Variants in HUNK observed in about 807,000 individuals in gnomAD.
HUNK encodes the protein hormonally up-regulated Neu-associated kinase.
Under a neutral mutation model 61.0 loss-of-function variants are expected in HUNK, and 21 were observed. The ratio of observed to expected loss-of-function variants is 0.34; its 90% CI spans 0.24 to 0.50. The LOEUF is 0.50. HUNK is among the 20% of genes least tolerant of loss of function. HUNK has a pLI of 0.98. For synonymous variants in HUNK, 371 were observed against 386.1 expected (o/e 0.96, Z 0.46); for missense variants, 772 against 945.7 (o/e 0.82, Z 2.41).
At position 31,911,247 on chromosome 21, in the gene HUNK, G is replaced by A. The variant is rs560499519; in HGVS notation, c.262-13221G>A. On this transcript the variant is annotated intron_variant, in intron 1 of 10. Transcript: ENST00000270112. ...CTCTTCCCTTCTGGGGCTTCTAAGCGTCAGGCAGATTCCATGCTCACTCAG... is the reference window on the plus strand; with the variant it reads ...CTCTTCCCTTCTGGGGCTTCTAAGCATCAGGCAGATTCCATGCTCACTCAG... Among the ~76,000 whole-genome samples the A allele has an allele frequency of 7.2e-5, 11 of 152,316 alleles. No homozygotes were observed. The East Asian group carries it at 1.2e-3, about 16-fold the overall frequency.
chr21:31,951,065 G>A (rs1048445579), intron 4 of HUNK, among the ~76,000 whole-genome samples: 3 of 151,912 alleles, frequency 2.0e-5, no homozygotes, highest in Non-Finnish European at 2.9e-5. Flanking sequence ...GGGAAATGGC[G>A]CGCTTTCTTG....
At chr21:31,997,874 C>A (rs1387733656) in intron 10 of HUNK, among the ~76,000 whole-genome samples, 1 of 151,966 alleles carries the variant, frequency 6.6e-6, no homozygotes, top group East Asian at 1.9e-4. Context: ...GTGCATGTAC[C>A]TTTTTTATTC....
intron 1 of HUNK, among the ~76,000 whole-genome samples, chr21:31,916,634 C>G (rs896039372): frequency 2.6e-5 from 4 of 151,708 alleles, no homozygotes; most frequent in African/African-American, 9.7e-5. Context: ...GCAGGGCAAA[C>G]TCTTCCTCCT....
intron 4 of HUNK, among the ~76,000 whole-genome samples, chr21:31,956,901 C>CA (rs991870122): frequency 6.6e-6 from 1 of 152,202 alleles, no homozygotes; most frequent in African/African-American, 2.4e-5. Flanking sequence ...TAAACACACA[C>CA]AGGGAAATGC....
Position 31,995,158 on chromosome 21 carries a change from CAAAAAA to C in HUNK, c.1306-592_1306-587del, listed in dbSNP as rs34858300. 9.5e-3 allele frequency among the ~76,000 whole-genome samples: 705 copies of C among 73,914 alleles called. 8 individuals are homozygous for C. Among genetic ancestry groups the C allele is most frequent in the African/African-American group, 0.037 (657 of 17,604 alleles). The allele number at this position is 73,914 out of a possible 152,430, so 48.5% of individuals were successfully genotyped here. Reference sequence around the variant, plus strand: ...TGGGTGATAGCACAAGACCCTGCCTCAAAAAAAAAAAAAAAAAAAAAAAGCTTCATA... The same window carrying C: ...TGGGTGATAGCACAAGACCCTGCCTCAAAAAAAAAAAAAAAAAGCTTCATA... On this transcript the variant is annotated intron_variant, in intron 9 of 10. Transcript: ENST00000270112.
At chr21:31,972,262 T>A (rs2053016703) in intron 6 of HUNK, among the ~76,000 whole-genome samples, 1 of 152,072 alleles carries the variant, frequency 6.6e-6, no homozygotes, top group Non-Finnish European at 1.5e-5. Context: ...ATCCATGGTA[T>A]CAAAATGGAT....
intron 1 of HUNK, among the ~76,000 whole-genome samples, chr21:31,905,986 A>ATT (rs71320209): frequency 0.082 from 12,182 of 149,096 alleles, 605 homozygotes; most frequent in South Asian, 0.19. Flanking sequence ...TGTTATTTTA[A>ATT]TTTTTTTTTT....
chr21:31,988,769 C>T (rs1476030050), intron 8 of HUNK, among the ~76,000 whole-genome samples: 1 of 149,450 alleles, frequency 6.7e-6, no homozygotes, highest in African/African-American at 2.5e-5. Context: ...CTCCCTCCCT[C>T]CTTTCTCTCT....
chr21:32,000,300 A>C lies in HUNK; in HGVS notation c.*1116A>C, dbSNP rs2053237609. On this transcript the variant is annotated 3_prime_UTR_variant, in exon 11 of 11. Coordinates refer to ENST00000270112, the MANE Select transcript of HUNK (RefSeq NM_014586.2). ...TGGGAGCAGGCTTGCCTGGCAGAGA[A>C]CCTGTTCAGATACAGGCCAGTTTCT... is the stretch of plus-strand genomic sequence containing the variant. The C allele has an allele frequency of 5.0e-6, 2 of 398,852 alleles. No homozygotes were observed. The highest frequency in any genetic ancestry group is 1.3e-4 in the South Asian group (1 of 7,860). 24.7% of individuals were successfully genotyped at this position (398,852 alleles called of 1,614,324 possible).
At chr21:31,888,672 G>A (rs1224670511) in intron 1 of HUNK, among the ~76,000 whole-genome samples, 4 of 152,094 alleles carry the variant, frequency 2.6e-5, no homozygotes, top group East Asian at 3.9e-4. Context: ...CCCAGGAGGC[G>A]GAGGTTATGG....
At position 31,913,525 on chromosome 21, in the gene HUNK, C is replaced by A. The variant is rs570036514; in HGVS notation, c.262-10943C>A. On this transcript the variant is annotated intron_variant, in intron 1 of 10. Transcript: ENST00000270112. ...GCTGGAGGAGGATGTTACAGTAGGG[C>A]CACCTGTGGATGGTTACTGTAGGCT... 4.0e-5 allele frequency among the ~76,000 whole-genome samples: 6 copies of A among 151,750 alleles called. No individual in the cohort carries two copies. The South Asian group carries it at 1.0e-3, about 26-fold the overall frequency.
intron 6 of HUNK, among the ~76,000 whole-genome samples, chr21:31,971,247 T>G (rs879628633): frequency 2.0e-5 from 3 of 151,916 alleles, no homozygotes; most frequent in Non-Finnish European, 4.4e-5. Context: ...AGTTTTTGTA[T>G]TTTTAGTAGA....
chr21:31,958,183 C>A (rs2052902378), intron 4 of HUNK, among the ~76,000 whole-genome samples: 1 of 151,990 alleles, frequency 6.6e-6, no homozygotes. Flanking sequence ...AGCAGAGGGC[C>A]ATGGTTCCCC....
At chr21:31,917,923 A>G (rs73346729) in intron 1 of HUNK, among the ~76,000 whole-genome samples, 8,356 of 152,268 alleles carry the variant, frequency 0.055, 770 homozygotes, top group African/African-American at 0.19. Flanking sequence ...TTTGATAGCA[A>G]AGATTTAATT....
At chr21:31,945,353 T>C (rs938888484) in intron 3 of HUNK, among the ~76,000 whole-genome samples, 1 of 152,168 alleles carries the variant, frequency 6.6e-6, no homozygotes, top group African/African-American at 2.4e-5. Context: ...GGCATCTTAA[T>C]CATCCAGGAA....
chr21:31,896,131 C>T lies in HUNK; in HGVS notation c.261+22196C>T, dbSNP rs535948848. ...AGAAGGGCCTCAGGAGGAAGCAACC[C>T]TGCTGACACTTTGATCTCAGACTTT... On this transcript the variant is annotated intron_variant, in intron 1 of 10. Coordinates refer to ENST00000270112, the MANE Select transcript of HUNK (RefSeq NM_014586.2). Among the ~76,000 whole-genome samples the T allele has an allele frequency of 2.6e-5, 4 of 152,280 alleles. No homozygotes were observed. In the South Asian group the frequency reaches 6.2e-4, roughly 24 times the overall value.
chr21:31,986,676 T>C (rs2053135634), intron 8 of HUNK, among the ~76,000 whole-genome samples: 1 of 152,150 alleles, frequency 6.6e-6, no homozygotes. Context: ...CTCCCTGTGC[T>C]CAGTCCACAG....
chr21:31,973,392 T>C (rs2053025801), intron 6 of HUNK, among the ~76,000 whole-genome samples: 1 of 152,120 alleles, frequency 6.6e-6, no homozygotes, highest in Non-Finnish European at 1.5e-5. Context: ...CACCTATGAG[T>C]GAGAAGATGC....
chr21:31,973,397 A>G (rs113540064), intron 6 of HUNK, among the ~76,000 whole-genome samples: 8 of 152,258 alleles, frequency 5.3e-5, no homozygotes, highest in African/African-American at 1.9e-4. Flanking sequence ...ATGAGTGAGA[A>G]GATGCGGTGT....
Sources: allele counts gnomAD v4.1 joint callset (sites outside exome capture counted in the v4.1 genomes callset), GRCh38; gene constraint gnomAD v4.1.1; transcripts MANE v1.5; gene names NCBI Gene and HGNC (gene_info 2026-07-23, HGNC 2026-07-21).